The following MAGI2 variants were observed in gnomAD, a reference collection of about 807,000 sequenced individuals.
MAGI2 encodes membrane associated guanylate kinase, WW and PDZ domain containing 2.
In MAGI2, 35 loss-of-function variants were observed where a neutral mutation model predicts 133.3. The observed-to-expected ratio is 0.26, with a 90% CI of 0.20 to 0.35. MAGI2 has a LOEUF of 0.35. MAGI2 is among the 10% of genes least tolerant of loss of function. The pLI is 1.00. For missense variants in MAGI2, 1,636 were observed against 1,863.4 expected (o/e 0.88, Z 2.25); for synonymous variants, 729 against 710.6 (o/e 1.03, Z -0.41).
intron 1 of MAGI2, among the ~76,000 whole-genome samples, chr7:79,244,678 G>C (rs1832694696): frequency 6.6e-6 from 1 of 152,146 alleles, no homozygotes; most frequent in African/African-American, 2.4e-5. Flanking sequence ...AGGCAGTCAA[G>C]GCCACAAGAC....
At chr7:79,014,264 C>G (rs73149172) in intron 1 of MAGI2, among the ~76,000 whole-genome samples, 2 of 152,162 alleles carry the variant, frequency 1.3e-5, no homozygotes, top group Non-Finnish European at 2.9e-5. Context: ...TCATTGTTAG[C>G]CTTGGTCTCA....
At chr7:78,926,639 C>T (rs936062551) in intron 2 of MAGI2, among the ~76,000 whole-genome samples, 8 of 151,936 alleles carry the variant, frequency 5.3e-5, no homozygotes, top group Admixed American at 2.6e-4. Context: ...GGCCAAAAAA[C>T]ATAAAGCCTC....
chr7:79,215,537 T>C lies in MAGI2; in HGVS notation c.302-208331A>G, dbSNP rs569625784. 3.0e-4 allele frequency among the ~76,000 whole-genome samples: 45 copies of C among 152,130 alleles called. 2 individuals are homozygous for C. Among genetic ancestry groups the C allele is most frequent in the African/African-American group, 1.1e-3 (45 of 41,418 alleles). The stretch of plus-strand genomic sequence containing the variant: ...CAACCCCTTATCTTAACCCAGACAT[T>C]ACTTTCTATTGATTCCAGGTCTTTA... On this transcript the variant is annotated intron_variant, in intron 1 of 21. Coordinates refer to ENST00000354212, the MANE Select transcript of MAGI2 (RefSeq NM_012301.4).
At chr7:78,905,077 A>G (rs1267391076) in intron 2 of MAGI2, among the ~76,000 whole-genome samples, 2 of 152,024 alleles carry the variant, frequency 1.3e-5, no homozygotes, top group Admixed American at 6.6e-5. Context: ...ATCATTTTAC[A>G]TATGCTCTTG....
chr7:79,342,734 T>C (rs943330177), intron 1 of MAGI2, among the ~76,000 whole-genome samples: 2 of 144,488 alleles, frequency 1.4e-5, no homozygotes, highest in African/African-American at 2.7e-5. Flanking sequence ...AAGCACTTTA[T>C]CTTATTTTAT....
At chr7:79,394,115 G>A (rs1275577803) in intron 1 of MAGI2, among the ~76,000 whole-genome samples, 1 of 152,108 alleles carries the variant, frequency 6.6e-6, no homozygotes, top group Non-Finnish European at 1.5e-5. Context: ...CAGGATCCCA[G>A]ATGGAAGTAG....
chr7:78,247,196 T>C (rs550758479), intron 10 of MAGI2, among the ~76,000 whole-genome samples: 9 of 152,066 alleles, frequency 5.9e-5, no homozygotes, highest in African/African-American at 1.9e-4. Flanking sequence ...CAGGACAGTC[T>C]CAAAACTCTT....
chr7:78,605,073 A>T (rs1805656244), intron 3 of MAGI2, among the ~76,000 whole-genome samples: 1 of 152,238 alleles, frequency 6.6e-6, no homozygotes, highest in Non-Finnish European at 1.5e-5. Context: ...TGGAAGAGAA[A>T]TAAGACTGGC....
intron 1 of MAGI2, among the ~76,000 whole-genome samples, chr7:79,148,586 G>C (rs78687313): frequency 1.5e-4 from 23 of 151,976 alleles, no homozygotes; most frequent in African/African-American, 5.6e-4. Context: ...GTTCTTTATT[G>C]GTCTGTGTAA....
intron 1 of MAGI2, among the ~76,000 whole-genome samples, chr7:79,245,168 GTGTAGACT>G (rs1585311237): frequency 6.6e-6 from 1 of 152,136 alleles, no homozygotes; most frequent in East Asian, 1.9e-4. Flanking sequence ...ATTCAGAGAT[GTGTAGACT>G]TCAGGTATGA....
intron 3 of MAGI2, among the ~76,000 whole-genome samples, chr7:78,606,781 T>C (rs545370338): frequency 6.6e-6 from 1 of 152,188 alleles, no homozygotes; most frequent in Non-Finnish European, 1.5e-5. Flanking sequence ...AAATTTCTCC[T>C]TGTCTTGCAG....
At chr7:79,124,090 T>C (rs548027173) in intron 1 of MAGI2, among the ~76,000 whole-genome samples, 1 of 152,196 alleles carries the variant, frequency 6.6e-6, no homozygotes, top group Non-Finnish European at 1.5e-5. Flanking sequence ...TTTGTTACAA[T>C]GAAATATTTG....
chr7:79,093,698 C>CTTTT (rs1244754879), intron 1 of MAGI2, among the ~76,000 whole-genome samples: 1 of 137,404 alleles, frequency 7.3e-6, no homozygotes, highest in African/African-American at 2.8e-5. Flanking sequence ...CTTTCTCTTT[C>CTTTT]TTTTTCTTTT....
At chr7:79,400,873 T>A (rs1312952959) in intron 1 of MAGI2, among the ~76,000 whole-genome samples, 1 of 152,112 alleles carries the variant, frequency 6.6e-6, no homozygotes, top group Non-Finnish European at 1.5e-5. Context: ...AGCAGTTTTT[T>A]AGAAGAGCCT....
intron 1 of MAGI2, among the ~76,000 whole-genome samples, chr7:79,070,893 T>C (rs1044314846): frequency 2.0e-5 from 3 of 152,166 alleles, no homozygotes; most frequent in Non-Finnish European, 4.4e-5. Context: ...TAGAACATGC[T>C]CCTCTAGCTC....
At chr7:78,293,695 T>A (rs798340) in intron 9 of MAGI2, among the ~76,000 whole-genome samples, 42,930 of 151,904 alleles carry the variant, frequency 0.28, 6,351 homozygotes, top group African/African-American at 0.34. Flanking sequence ...CAAATGTCCA[T>A]CAATGATAGA....
chr7:79,125,110 C>T, intron 1 of MAGI2: 1 of 287,782 alleles, frequency 3.5e-6, no homozygotes, highest in Admixed American at 4.0e-5. Context: ...CTATTTGGAA[C>T]AGTGTGGGAA....
At chr7:78,758,043 A>G (rs889100244) in intron 2 of MAGI2, among the ~76,000 whole-genome samples, 3 of 152,120 alleles carry the variant, frequency 2.0e-5, no homozygotes, top group Non-Finnish European at 4.4e-5. Flanking sequence ...CACTTCTCTT[A>G]ACACTTGACT....
chr7:78,653,887 T>C (rs1811857286), intron 2 of MAGI2, among the ~76,000 whole-genome samples: 1 of 152,172 alleles, frequency 6.6e-6, no homozygotes, highest in Admixed American at 6.5e-5. Context: ...GGTCAAAAGA[T>C]TCTTTTTATT....
Sources: gnomAD v4.1 joint callset for allele counts (sites outside exome capture counted in the v4.1 genomes callset) on GRCh38, gnomAD v4.1.1 for gene constraint, MANE v1.5 for transcripts, NCBI Gene and HGNC (gene_info 2026-07-23, HGNC 2026-07-21) for gene names.